TRIP12: variants seen among roughly 807,000 people sequenced by gnomAD.
TRIP12 encodes the protein E3 ubiquitin-protein ligase TRIP12.
A neutral mutation model predicts 244.2 loss-of-function variants in TRIP12; 25 were observed. That is an observed-to-expected ratio of 0.10 (90% CI 0.07 to 0.14). TRIP12 has a LOEUF of 0.14. Ranked by LOEUF, TRIP12 falls within the 10% of genes least tolerant of loss-of-function variation. The pLI is 1.00. For missense variants in TRIP12, 1,677 were observed against 2,486.4 expected, an observed-to-expected ratio of 0.67 and a Z score of 6.92; for synonymous variants, 905 against 873.1, an observed-to-expected ratio of 1.04 and a Z score of -0.64.
At chr2:229,769,012 T>C (rs2033071003) in intron 40 of TRIP12, among the ~76,000 whole-genome samples, 1 of 152,234 alleles carries the variant, frequency 6.6e-6, no homozygotes, top group Admixed American at 6.5e-5. Flanking sequence ...CCTAGTATTT[T>C]CACAGAAATA....
intron 15 of TRIP12, among the ~76,000 whole-genome samples, chr2:229,809,735 C>CCT (rs775175733): frequency 6.6e-6 from 1 of 151,680 alleles, no homozygotes; most frequent in Non-Finnish European, 1.5e-5. Context: ...TCTGGAATAC[C>CCT]AAGTTTGGAA....
At chr2:229,848,809 T>C (rs535469884) in intron 4 of TRIP12, among the ~76,000 whole-genome samples, 1 of 152,314 alleles carries the variant, frequency 6.6e-6, no homozygotes, top group Non-Finnish European at 1.5e-5. Flanking sequence ...ATACACTATA[T>C]AATTCTTGAA....
At chr2:229,898,144 C>G (rs1031325952) in intron 1 of TRIP12, among the ~76,000 whole-genome samples, 1 of 152,212 alleles carries the variant, frequency 6.6e-6, no homozygotes, top group African/African-American at 2.4e-5. Flanking sequence ...TAAGGCCCAG[C>G]TGCCTAATTC....
At chr2:229,804,878 T>G (rs927715848) in intron 18 of TRIP12, among the ~76,000 whole-genome samples, 3 of 152,036 alleles carry the variant, frequency 2.0e-5, no homozygotes, top group East Asian at 3.9e-4. Context: ...CTTATATTAT[T>G]TACTATCTGG....
At chr2:229,900,558 T>G (rs1207942574) in intron 1 of TRIP12, among the ~76,000 whole-genome samples, 4 of 152,188 alleles carry the variant, frequency 2.6e-5, no homozygotes, top group Admixed American at 1.3e-4. Context: ...TTCTAAAATT[T>G]AACCTAAAAG....
intron 1 of TRIP12, among the ~76,000 whole-genome samples, chr2:229,896,599 A>G (rs546065): frequency 0.99 from 151,082 of 152,218 alleles, 74,986 homozygotes; most frequent in Middle Eastern, 1. Flanking sequence ...GTGACAGAGC[A>G]AGACTCCGTC....
At chr2:229,833,250 T>C (rs1257983733) in intron 6 of TRIP12, among the ~76,000 whole-genome samples, 1 of 152,186 alleles carries the variant, frequency 6.6e-6, no homozygotes, top group Non-Finnish European at 1.5e-5. Flanking sequence ...GGTTCTATTA[T>C]AGCAGGGTCC....
At chr2:229,833,925 T>C (rs879545186) in intron 6 of TRIP12, among the ~76,000 whole-genome samples, 3 of 152,170 alleles carry the variant, frequency 2.0e-5, no homozygotes, top group Admixed American at 2.0e-4. Flanking sequence ...AGTAGTAGTA[T>C]AGAGATAGCT....
At chr2:229,801,147 AC>A (rs2044225547) in intron 21 of TRIP12, among the ~76,000 whole-genome samples, 1 of 152,206 alleles carries the variant, frequency 6.6e-6, no homozygotes. Context: ...AAAATGGCAG[AC>A]AAAAGCAACT....
chr2:229,896,480 A>G (rs933104493), intron 1 of TRIP12, among the ~76,000 whole-genome samples: 2 of 152,142 alleles, frequency 1.3e-5, no homozygotes, highest in African/African-American at 4.8e-5. Flanking sequence ...TCTACTAAAA[A>G]TACAAAAATT....
At chr2:229,879,023 C>T (rs899578558) in intron 2 of TRIP12, among the ~76,000 whole-genome samples, 11 of 151,984 alleles carry the variant, frequency 7.2e-5, no homozygotes, top group Admixed American at 2.6e-4. Flanking sequence ...GAGGCCGAGG[C>T]GGGTGAATCG....
At chr2:229,843,984 G>A (rs1225974216) in intron 4 of TRIP12, among the ~76,000 whole-genome samples, 3 of 151,978 alleles carry the variant, frequency 2.0e-5, no homozygotes, top group African/African-American at 7.3e-5. Context: ...TTTATTCAAA[G>A]TTCAAGGTTT....
At chr2:229,884,306 G>T (rs1431385717) in intron 1 of TRIP12, among the ~76,000 whole-genome samples, 3 of 138,530 alleles carry the variant, frequency 2.2e-5, no homozygotes, top group African/African-American at 8.1e-5. Flanking sequence ...GCACGATCTC[G>T]GCTCACTGTA....
chr2:229,845,741 C>A (rs1279149348), intron 4 of TRIP12, among the ~76,000 whole-genome samples: 1 of 152,018 alleles, frequency 6.6e-6, no homozygotes, highest in Non-Finnish European at 1.5e-5. Context: ...AACACAAACG[C>A]CTGGCCAGGT....
chr2:229,911,240 T>A (rs949629863), intron 1 of TRIP12, among the ~76,000 whole-genome samples: 11 of 152,224 alleles, frequency 7.2e-5, no homozygotes, highest in Non-Finnish European at 1.6e-4. Flanking sequence ...TTCTGAGTCA[T>A]AAATCTGCAT....
In TRIP12 at chr2:229,805,734, G is replaced by A. The variant is rs1420389994; in HGVS notation, c.2646C>T (p.Asn882=). The A allele has an allele frequency of 6.3e-7, 1 of 1,591,912 alleles. No individual in the cohort carries two copies. The highest frequency in any genetic ancestry group is 2.2e-5 in the East Asian group (1 of 44,488). Residue 882 remains asparagine (N), a synonymous_variant, in exon 18 of 42, where the codon AAC becomes AAT. Coordinates refer to ENST00000675903, the MANE Select transcript of TRIP12 (RefSeq NM_001348323.3). ...QRKPNPLANS[N]TSGYSESKKD... Reference sequence around the variant, plus strand: ...TTTAACTCAGAATGTACTTACTAGTGTTACTATTGGCTAACGGGTTAGGTT... The same window carrying A: ...TTTAACTCAGAATGTACTTACTAGTATTACTATTGGCTAACGGGTTAGGTT...
intron 1 of TRIP12, among the ~76,000 whole-genome samples, chr2:229,883,590 T>C (rs186456007): frequency 2.6e-4 from 40 of 151,090 alleles, no homozygotes; most frequent in African/African-American, 9.4e-4. Flanking sequence ...ACCATGGCCA[T>C]ACCTTCATTT....
At chr2:229,772,336 T>C (rs2034657117) in intron 38 of TRIP12, among the ~76,000 whole-genome samples, 1 of 152,246 alleles carries the variant, frequency 6.6e-6, no homozygotes, top group Non-Finnish European at 1.5e-5. Context: ...TAACTCATTA[T>C]TTGCTAGTAA....
intron 30 of TRIP12, among the ~76,000 whole-genome samples, chr2:229,790,394 AAACAT>A (rs2041156698): frequency 6.6e-6 from 1 of 152,224 alleles, no homozygotes; most frequent in South Asian, 2.1e-4. Context: ...TTAACACCAA[AAACAT>A]AACAATCTCA....
Sources: gnomAD v4.1 joint callset for allele counts (sites outside exome capture counted in the v4.1 genomes callset) on GRCh38, gnomAD v4.1.1 for gene constraint, MANE v1.5 for transcripts, NCBI Gene and HGNC (gene_info 2026-07-23, HGNC 2026-07-21) for gene names.